The following NPAS3 variants were observed in gnomAD, a reference collection of about 807,000 sequenced individuals.
The protein encoded by NPAS3 is neuronal PAS domain-containing protein 3.
NPAS3 carries 14 observed loss-of-function variants against 73.1 expected under a neutral mutation model. The ratio of observed to expected loss-of-function variants is 0.19; its 90% confidence interval spans 0.13 to 0.30. NPAS3 has a LOEUF of 0.30. Ranked by LOEUF, NPAS3 falls within the 10% of genes least tolerant of loss-of-function variation. The probability of loss-of-function intolerance (pLI) is 1.00; values close to 1 mark genes in which losing one functional copy is unlikely to be tolerated. For synonymous variants in NPAS3, 620 were observed against 541.5 expected, an observed-to-expected ratio of 1.14 and a Z score of -2.01; for missense variants, 1,096 against 1,250.0, an observed-to-expected ratio of 0.88 and a Z score of 1.86.
chr14:33,498,935 AGTGTGTGTGTGT>A (rs3058422), intron 4 of NPAS3, among the ~76,000 whole-genome samples: 1,279 of 94,902 alleles, frequency 0.013, 27 homozygotes, highest in African/African-American at 0.048. Context: ...ACAGAGAGAG[AGTGTGTGTGTGT>A]GTGTGTGTGT....
At chr14:33,102,723 G>A (rs1397880716) in intron 2 of NPAS3, among the ~76,000 whole-genome samples, 2 of 152,152 alleles carry the variant, frequency 1.3e-5, no homozygotes, top group East Asian at 3.9e-4. Context: ...AGAGGGGAAG[G>A]AAGACACTGA....
At chr14:33,110,277 G>T (rs1338410328) in intron 2 of NPAS3, among the ~76,000 whole-genome samples, 3 of 151,928 alleles carry the variant, frequency 2.0e-5, no homozygotes, top group East Asian at 3.9e-4. Context: ...GATTTGACAG[G>T]GTTTTAAATT....
At chr14:33,802,422 A>G (rs1290654610), downstream of NPAS3, 2 of 152,124 alleles carry the variant, frequency 1.3e-5, no homozygotes, top group Admixed American at 1.3e-4. Flanking sequence ...AAAGAAAAAA[A>G]ATCCTATTTT....
At chr14:33,321,505 T>TTAA (rs796296996) in intron 3 of NPAS3, among the ~76,000 whole-genome samples, 25 of 151,580 alleles carry the variant, frequency 1.6e-4, no homozygotes, top group African/African-American at 6.1e-4. Context: ...AATTTGGGGG[T>TTAA]TAATATACAT....
chr14:33,800,998 G>A lies in NPAS3; in HGVS notation c.2691G>A (p.Met897Ile), dbSNP rs895267884. The change falls in exon 12 of 12, where the codon ATG (methionine) becomes ATA (isoleucine). Residue 897 changes from methionine to isoleucine, a missense_variant. Coordinates refer to ENST00000356141, the Ensembl canonical transcript of NPAS3. This position sits in a 1 kb window ranked among gnomAD's most constrained non-coding sequence, Gnocchi z 6.5. ...TGAGCGCAGCTAGCCTGACGCAGAT[G>A]CCCGCCGGCAACGTGTTCACCACGG... 2.5e-6 allele frequency: 4 copies of A among 1,586,452 alleles called. No individual in the cohort carries two copies. Among genetic ancestry groups the A allele is most frequent in the African/African-American group, 1.3e-5 (1 of 74,326 alleles).
intron 2 of NPAS3, among the ~76,000 whole-genome samples, chr14:33,067,542 A>G (rs1193477985): frequency 6.6e-6 from 1 of 152,208 alleles, no homozygotes; most frequent in Non-Finnish European, 1.5e-5. Flanking sequence ...CCTCACAACA[A>G]TCTCCACATG....
At chr14:33,665,212 G>A (rs917481910) in intron 5 of NPAS3, among the ~76,000 whole-genome samples, 3 of 151,826 alleles carry the variant, frequency 2.0e-5, no homozygotes, top group Non-Finnish European at 1.5e-5. Flanking sequence ...TGCAGGGACT[G>A]CATGTTCTCA....
At chr14:33,720,888 GA>G (rs1216361249) in intron 6 of NPAS3, among the ~76,000 whole-genome samples, 6 of 151,812 alleles carry the variant, frequency 4.0e-5, no homozygotes, top group Non-Finnish European at 7.4e-5. Flanking sequence ...CAGACTTCAG[GA>G]AAAAAAATAA....
intron 3 of NPAS3, among the ~76,000 whole-genome samples, chr14:33,344,038 C>G (rs2044616325): frequency 6.6e-6 from 1 of 152,182 alleles, no homozygotes; most frequent in Admixed American, 6.5e-5. Context: ...TGACGCAGAA[C>G]TGGGTCATAT....
intron 3 of NPAS3, among the ~76,000 whole-genome samples, chr14:33,340,292 T>C (rs1465727740): frequency 6.6e-6 from 1 of 152,124 alleles, no homozygotes; most frequent in Non-Finnish European, 1.5e-5. Context: ...GTCAGGAGTT[T>C]GAGACCAGCC....
At chr14:33,582,435 C>T (rs1005265739) in intron 5 of NPAS3, among the ~76,000 whole-genome samples, 3 of 152,278 alleles carry the variant, frequency 2.0e-5, no homozygotes, top group African/African-American at 7.2e-5. Flanking sequence ...AGAATTTGCA[C>T]AGGACTTTGC....
intron 5 of NPAS3, among the ~76,000 whole-genome samples, chr14:33,658,296 G>A (rs748601574): frequency 2.0e-5 from 3 of 152,182 alleles, no homozygotes; most frequent in Non-Finnish European, 2.9e-5. Flanking sequence ...GACAGATAGA[G>A]GAGAAACAAG....
chr14:33,108,852 G>C (rs2042802525), intron 2 of NPAS3, among the ~76,000 whole-genome samples: 1 of 152,080 alleles, frequency 6.6e-6, no homozygotes, highest in South Asian at 2.1e-4. Flanking sequence ...CTTCAACATA[G>C]TTTCAGAGCA....
intron 2 of NPAS3, among the ~76,000 whole-genome samples, chr14:33,211,298 A>T (rs191849002): frequency 4.6e-5 from 7 of 152,318 alleles, no homozygotes; most frequent in Admixed American, 4.6e-4. Flanking sequence ...TATAGACATT[A>T]GGCTGGGCGT....
intron 2 of NPAS3, among the ~76,000 whole-genome samples, chr14:33,129,930 T>G (rs1023921796): frequency 4.6e-5 from 7 of 152,152 alleles, no homozygotes; most frequent in African/African-American, 1.7e-4. Context: ...TACTCACAGT[T>G]TCATGATTAA....
intron 5 of NPAS3, among the ~76,000 whole-genome samples, chr14:33,578,689 A>G (rs967597727): frequency 2.0e-5 from 3 of 152,186 alleles, no homozygotes; most frequent in Non-Finnish European, 4.4e-5. Flanking sequence ...GGGTTTTCCA[A>G]TGGGTCAGTC....
At chr14:32,935,018 C>T (rs936234151), upstream of NPAS3, 29 of 1,303,578 alleles carry the variant, frequency 2.2e-5, no homozygotes, top group African/African-American at 4.6e-5. Context: ...GTAGTCCCGC[C>T]TGGGCTGGGA....
At chr14:33,731,978 A>T (rs967019212) in intron 6 of NPAS3, among the ~76,000 whole-genome samples, 3 of 151,992 alleles carry the variant, frequency 2.0e-5, no homozygotes, top group African/African-American at 7.3e-5. Context: ...TTACCCGTAG[A>T]TTTTTCCTGT....
chr14:33,645,456 G>A (rs1595354184), intron 5 of NPAS3, among the ~76,000 whole-genome samples: 1 of 152,294 alleles, frequency 6.6e-6, no homozygotes, highest in African/African-American at 2.4e-5. Flanking sequence ...GCATTTTAGA[G>A]CATAATAAGA....
Sources: gnomAD v4.1 joint callset for allele counts (sites outside exome capture counted in the v4.1 genomes callset) on GRCh38, gnomAD v4.1.1 for gene constraint, Gnocchi (gnomAD v3.1) non-coding constraint, MANE v1.5 for transcripts, NCBI Gene and HGNC (gene_info 2026-07-23, HGNC 2026-07-21) for gene names.